The following PDE10A variants were observed in gnomAD, a reference collection of about 807,000 sequenced individuals.
The protein encoded by PDE10A is cAMP and cAMP-inhibited cGMP 3',5'-cyclic phosphodiesterase 10A.
Under a neutral mutation model 97.7 loss-of-function variants are expected in PDE10A, and 39 were observed. The observed-to-expected ratio is 0.40, with a 90% confidence interval of 0.31 to 0.52. The LOEUF is 0.52. PDE10A is among the 20% of genes least tolerant of loss of function. The pLI is 0.56. For missense variants in PDE10A, 731 were observed against 1,047.8 expected (o/e 0.70, Z 4.17); for synonymous variants, 371 against 376.8 (o/e 0.98, Z 0.18).
At chr6:165,789,131 G>C (rs1313122115) in intron 1 of PDE10A, among the ~76,000 whole-genome samples, 2 of 152,216 alleles carry the variant, frequency 1.3e-5, no homozygotes, top group African/African-American at 4.8e-5. Context: ...GTAGGGTCTG[G>C]AGTTCAGGGT....
chr6:165,339,335 T>C lies in PDE10A; in HGVS notation c.2919A>G (p.Gly973=), dbSNP rs768037959. 6.2e-7 allele frequency: 1 copy of C among 1,604,028 alleles called. No individual in the cohort carries two copies. Among genetic ancestry groups the C allele is most frequent in the Non-Finnish European group, 8.5e-7 (1 of 1,171,206 alleles). ...TGTCCATCATAGGAATAGGCTGTATTCCCAATTTCTTCATTTCATCACCCT... is the reference window on the plus strand; with the variant it reads ...TGTCCATCATAGGAATAGGCTGTATCCCCAATTTCTTCATTTCATCACCCT... ...WAEGDEMKKL[G]IQPIPMMDRD... is the part of the protein sequence containing the mutation. The change falls in exon 20 of 22, where the codon GGA becomes GGG. Residue 973 remains glycine (G), a synonymous_variant. Transcript: ENST00000539869.
intron 13 of PDE10A, among the ~76,000 whole-genome samples, chr6:165,409,181 A>G (rs1045199136): frequency 2.1e-5 from 3 of 142,918 alleles, no homozygotes; most frequent in African/African-American, 7.8e-5. Context: ...AAAAAAAAAA[A>G]AGAAAAAAGG....
At chr6:165,389,588 G>A (rs1785540297) in intron 16 of PDE10A, among the ~76,000 whole-genome samples, 1 of 152,176 alleles carries the variant, frequency 6.6e-6, no homozygotes, top group Admixed American at 6.5e-5. Context: ...GAGGTCAGGA[G>A]CTCACATTTA....
intron 1 of PDE10A, among the ~76,000 whole-genome samples, chr6:165,884,047 T>A (rs573382408): frequency 1.3e-5 from 2 of 152,060 alleles, no homozygotes; most frequent in East Asian, 3.9e-4. Flanking sequence ...CGAGCACAGA[T>A]GTCAAAGCAG....
intron 1 of PDE10A, among the ~76,000 whole-genome samples, chr6:165,875,748 G>GTTTT (rs1471411208): frequency 8.0e-5 from 4 of 49,764 alleles, no homozygotes; most frequent in African/African-American, 2.9e-4. Flanking sequence ...TTTTTTTTTT[G>GTTTT]TGTGTGTGTG....
At position 165,711,811 on chromosome 6, in the gene PDE10A, G is replaced by T. The variant is rs979614267; in HGVS notation, c.-614-168243C>A. 6.6e-6 allele frequency among the ~76,000 whole-genome samples: 1 copy of T among 152,180 alleles called. No homozygotes were observed. Reference sequence around the variant, plus strand: ...GTGGCAGTCATGCCTGTGTTATATTGTCTGTACCTTAGTGTAAAATGCTTT... The same window carrying T: ...GTGGCAGTCATGCCTGTGTTATATTTTCTGTACCTTAGTGTAAAATGCTTT... On this transcript the variant is annotated intron_variant, in intron 1 of 19. Transcript: ENST00000366882. The surrounding 1 kb of genome is among the most constrained non-coding windows in gnomAD (Gnocchi z 4.5).
chr6:165,369,349 T>G, intron 18 of PDE10A, among the ~76,000 whole-genome samples: 1 of 151,610 alleles, frequency 6.6e-6, no homozygotes, highest in Non-Finnish European at 1.5e-5. Context: ...TAGAAGAATG[T>G]ATAACTAGAA....
chr6:165,366,299 C>G (rs1379400980), intron 18 of PDE10A, among the ~76,000 whole-genome samples: 1 of 152,018 alleles, frequency 6.6e-6, no homozygotes, highest in Non-Finnish European at 1.5e-5. Context: ...AAAATACATA[C>G]AAACATCAGA....
At chr6:165,591,241 A>C (rs1786247395) in intron 1 of PDE10A, among the ~76,000 whole-genome samples, 1 of 152,196 alleles carries the variant, frequency 6.6e-6, no homozygotes, top group Non-Finnish European at 1.5e-5. Flanking sequence ...GCTGGCACAA[A>C]GGGGGCTTTT....
chr6:165,522,005 T>C (rs1350479770), intron 2 of PDE10A, among the ~76,000 whole-genome samples: 1 of 152,206 alleles, frequency 6.6e-6, no homozygotes, highest in African/African-American at 2.4e-5. Flanking sequence ...TGTCAGAACT[T>C]TCTTCTTTTG....
intron 18 of PDE10A, among the ~76,000 whole-genome samples, chr6:165,364,437 A>C (rs371822782): frequency 1.3e-5 from 2 of 152,172 alleles, no homozygotes; most frequent in African/African-American, 4.8e-5. Context: ...TCATACCCCA[A>C]ATATGTGAGA....
At chr6:165,430,897 AAGG>A (rs1332704050) in intron 8 of PDE10A, among the ~76,000 whole-genome samples, 2 of 152,176 alleles carry the variant, frequency 1.3e-5, no homozygotes, top group South Asian at 4.1e-4. Flanking sequence ...AAAAAGAGAG[AAGG>A]AGAAGATACA....
chr6:165,436,208 T>C (rs1209781629), intron 5 of PDE10A, among the ~76,000 whole-genome samples: 1 of 152,202 alleles, frequency 6.6e-6, no homozygotes, highest in Non-Finnish European at 1.5e-5. Context: ...TTATCTTATG[T>C]TGGATTACTC....
intron 1 of PDE10A, chr6:165,775,448 G>A (rs992816212): frequency 3.9e-5 from 6 of 152,128 alleles, no homozygotes; most frequent in Admixed American, 3.3e-4. Flanking sequence ...CCGCTATTTT[G>A]GCAGCAGGAT....
Position 165,711,205 on chromosome 6 carries a change from C to A in PDE10A, c.-614-167637G>T, listed in dbSNP as rs1030418657. On this transcript the variant is annotated intron_variant, in intron 1 of 19. Transcript: ENST00000366882. This position sits in a 1 kb window ranked among gnomAD's most constrained non-coding sequence, Gnocchi z 4.5. The stretch of plus-strand genomic sequence containing the variant: ...TTAGCAGTAAGTTCTACTAAATACA[C>A]CGTTAGAGTTGGGAGCAGGGCTCTT... 6.6e-6 allele frequency among the ~76,000 whole-genome samples: 1 copy of A among 152,178 alleles called. No individual in the cohort carries two copies. Among genetic ancestry groups the A allele is most frequent in the Non-Finnish European group, 1.5e-5 (1 of 68,020 alleles).
At chr6:165,833,741 G>T (rs779290876) in intron 1 of PDE10A, among the ~76,000 whole-genome samples, 8 of 152,226 alleles carry the variant, frequency 5.3e-5, no homozygotes, top group Non-Finnish European at 1.2e-4. Context: ...ATTGGCAATG[G>T]CAGGAAAGAC....
At chr6:165,816,694 A>G (rs1298039701) in intron 1 of PDE10A, among the ~76,000 whole-genome samples, 2 of 152,266 alleles carry the variant, frequency 1.3e-5, no homozygotes, top group Admixed American at 1.3e-4. Flanking sequence ...CAATGAAAGC[A>G]ATAGAATCTA....
chr6:165,805,078 C>T (rs1268464052), intron 1 of PDE10A, among the ~76,000 whole-genome samples: 3 of 115,724 alleles, frequency 2.6e-5, no homozygotes, highest in African/African-American at 1.0e-4. Flanking sequence ...ATGGGGCGTA[C>T]GGAGGGGCAG....
intron 1 of PDE10A, among the ~76,000 whole-genome samples, chr6:165,601,854 C>T (rs1786968678): frequency 6.6e-6 from 1 of 152,104 alleles, no homozygotes; most frequent in South Asian, 2.1e-4. Context: ...AGTCGCATAA[C>T]AGAAGAGCCT....
Sources: allele counts gnomAD v4.1 joint callset (sites outside exome capture counted in the v4.1 genomes callset), GRCh38; gene constraint gnomAD v4.1.1; non-coding constraint Gnocchi (gnomAD v3.1); transcripts MANE v1.5; gene names NCBI Gene and HGNC (gene_info 2026-07-23, HGNC 2026-07-21).